Variants in SYNPR observed in about 807,000 individuals in gnomAD.
SYNPR encodes the protein synaptoporin.
SYNPR carries 23 observed loss-of-function variants against 32.9 expected under a neutral mutation model. That is an observed-to-expected ratio of 0.70 (90% CI 0.50 to 0.99). SYNPR has a LOEUF of 0.99. SYNPR is among the 50% of genes least tolerant of loss of function. The pLI is 0.00. For missense variants in SYNPR, 318 were observed against 349.3 expected (o/e 0.91, Z 0.71); for synonymous variants, 146 against 135.9 (o/e 1.07, Z -0.52).
chr3:63,341,651 T>A (rs1007132375), intron 2 of SYNPR, among the ~76,000 whole-genome samples: 3 of 152,216 alleles, frequency 2.0e-5, no homozygotes, highest in African/African-American at 4.8e-5. Context: ...TCTGTATAAT[T>A]TCTTTAGTGA....
At chr3:63,365,698 T>G (rs138648000) in intron 2 of SYNPR, among the ~76,000 whole-genome samples, 319 of 152,328 alleles carry the variant, frequency 2.1e-3, no homozygotes, top group African/African-American at 7.5e-3. Flanking sequence ...AAAAGAATGT[T>G]ATCCAGGGCA....
chr3:63,613,002 TG>T (rs1433666419), intron 5 of SYNPR, among the ~76,000 whole-genome samples: 1 of 151,366 alleles, frequency 6.6e-6, no homozygotes, highest in African/African-American at 2.4e-5. Context: ...GACAGGGTTT[TG>T]CTCTGTCACC....
At chr3:63,473,251 C>T (rs1372199714) in intron 2 of SYNPR, among the ~76,000 whole-genome samples, 1 of 152,128 alleles carries the variant, frequency 6.6e-6, no homozygotes, top group Non-Finnish European at 1.5e-5. Context: ...CCCTCCCCTG[C>T]AATTATATAC....
At chr3:63,490,219 G>C (rs760818921) in intron 3 of SYNPR, among the ~76,000 whole-genome samples, 109 of 152,046 alleles carry the variant, frequency 7.2e-4, no homozygotes, top group Non-Finnish European at 1.4e-3. Flanking sequence ...CTGAGATTGG[G>C]GAGAGTCTGA....
At chr3:63,235,093 A>G (rs1196539329) in intron 1 of SYNPR, among the ~76,000 whole-genome samples, 2 of 152,280 alleles carry the variant, frequency 1.3e-5, no homozygotes, top group South Asian at 2.1e-4. Flanking sequence ...CTGTGTGTGT[A>G]TGTGTGTGTA....
chr3:63,355,410 C>T (rs904184248), intron 2 of SYNPR, among the ~76,000 whole-genome samples: 2 of 152,154 alleles, frequency 1.3e-5, no homozygotes, highest in African/African-American at 4.8e-5. Context: ...ACTTCCAGGT[C>T]ATTCAGATTT....
At chr3:63,206,080 C>G in the SYNPR span, among the ~76,000 whole-genome samples, 1 of 152,134 alleles carries the variant, frequency 6.6e-6, no homozygotes, top group Admixed American at 6.5e-5. Flanking sequence ...TCCTTTTTTG[C>G]TTGTATGCAA....
intron 2 of SYNPR, among the ~76,000 whole-genome samples, chr3:63,351,013 C>G (rs1388065209): frequency 6.6e-6 from 1 of 152,110 alleles, no homozygotes; most frequent in Non-Finnish European, 1.5e-5. Context: ...ACTGTGTGCC[C>G]CTTATCAGAC....
At chr3:63,292,305 A>C (rs948350054) in intron 2 of SYNPR, among the ~76,000 whole-genome samples, 1 of 152,216 alleles carries the variant, frequency 6.6e-6, no homozygotes, top group Admixed American at 6.5e-5. Flanking sequence ...TAATGCTCAG[A>C]TCATGGTAAT....
Position 63,367,396 on chromosome 3 carries a change from A to C in SYNPR, c.84+88654A>C, listed in dbSNP as rs191569267. 1.7e-4 allele frequency among the ~76,000 whole-genome samples: 26 copies of C among 149,006 alleles called. No homozygotes were observed. The East Asian group carries it at 4.6e-3, about 26-fold the overall frequency. On this transcript the variant is annotated intron_variant, in intron 2 of 5. Transcript: ENST00000478300. ...TTAATTTTAGATAAGATCTGGCTCT[A>C]TCTCCCAGGCTGGAGTGCAGTCCTG...
intron 2 of SYNPR, among the ~76,000 whole-genome samples, chr3:63,285,046 A>G (rs1575586133): frequency 6.6e-6 from 1 of 152,164 alleles, no homozygotes; most frequent in African/African-American, 2.4e-5. Context: ...GCTTTTTCCA[A>G]TGTGGCAAGC....
the SYNPR span, among the ~76,000 whole-genome samples, chr3:63,214,304 T>C: frequency 2.7e-5 from 1 of 36,720 alleles, no homozygotes; most frequent in Non-Finnish European, 6.4e-5. Context: ...TCCTTGTACC[T>C]CTGGTAGAAT....
chr3:63,456,979 T>A (rs150550922), intron 2 of SYNPR, among the ~76,000 whole-genome samples: 1 of 152,070 alleles, frequency 6.6e-6, no homozygotes, highest in African/African-American at 2.4e-5. Flanking sequence ...AGCTCTCCTC[T>A]TTGCAGCGGG....
chr3:63,575,423 TC>T (rs1388593240), intron 4 of SYNPR, among the ~76,000 whole-genome samples: 1 of 152,102 alleles, frequency 6.6e-6, no homozygotes, highest in Non-Finnish European at 1.5e-5. Flanking sequence ...CAGCTCCTAT[TC>T]CCACATCCAT....
chr3:63,251,757 C>T (rs1354717875), intron 1 of SYNPR, among the ~76,000 whole-genome samples: 1 of 151,868 alleles, frequency 6.6e-6, no homozygotes, highest in African/African-American at 2.4e-5. Context: ...CCTCTGCATC[C>T]GTCTGCTTGG....
At chr3:63,373,532 A>C (rs1319849493) in intron 2 of SYNPR, among the ~76,000 whole-genome samples, 2 of 152,176 alleles carry the variant, frequency 1.3e-5, no homozygotes, top group East Asian at 3.9e-4. Flanking sequence ...AAAATAAAGA[A>C]AAAATAATTT....
chr3:63,207,789 A>C, the SYNPR span, among the ~76,000 whole-genome samples: 1 of 152,184 alleles, frequency 6.6e-6, no homozygotes, highest in Non-Finnish European at 1.5e-5. Flanking sequence ...TTTTAAAAAA[A>C]ATGAAAGAAA....
chr3:63,367,251 A>G (rs2087737351), intron 2 of SYNPR, among the ~76,000 whole-genome samples: 1 of 152,212 alleles, frequency 6.6e-6, no homozygotes, highest in Non-Finnish European at 1.5e-5. Context: ...AGAATCTTGT[A>G]AAAATTCAGA....
At chr3:63,312,952 C>T (rs2086983407) in intron 2 of SYNPR, among the ~76,000 whole-genome samples, 1 of 152,110 alleles carries the variant, frequency 6.6e-6, no homozygotes, top group African/African-American at 2.4e-5. Flanking sequence ...GTGACCATCT[C>T]AGTGGATATC....
Sources: gnomAD v4.1 joint callset for allele counts (sites outside exome capture counted in the v4.1 genomes callset) on GRCh38, gnomAD v4.1.1 for gene constraint, MANE v1.5 for transcripts, NCBI Gene and HGNC (gene_info 2026-07-23, HGNC 2026-07-21) for gene names.